Variants in TMEM127 observed in about 807,000 individuals in gnomAD.
TMEM127 encodes transmembrane protein 127.
A neutral mutation model predicts 20.1 loss-of-function variants in TMEM127; 21 were observed. That is an observed-to-expected ratio of 1.04 (90% CI 0.74 to 1.50). The LOEUF is 1.50. TMEM127 is among the 40% of genes most tolerant of loss of function. TMEM127 has a pLI of 0.00. For missense variants in TMEM127, 303 were observed against 317.4 expected (o/e 0.95, Z 0.34); for synonymous variants, 150 against 144.7 (o/e 1.04, Z -0.26).
At position 96,253,783 on chromosome 2, in the gene TMEM127, C is replaced by T. The variant is rs538207522; in HGVS notation, c.*25G>A. 1.0e-5 allele frequency: 16 copies of T among 1,592,712 alleles called. No homozygotes were observed. The African/African-American group carries it at 1.2e-4, about 12-fold the overall frequency. On this transcript the variant is annotated 3_prime_UTR_variant, in exon 4 of 4. Coordinates refer to ENST00000258439, the MANE Select transcript of TMEM127 (RefSeq NM_017849.4). This position sits in a 1 kb window ranked among gnomAD's most constrained non-coding sequence, Gnocchi z 4.3. ...GCTGCAGAGTTGAGGGAGGGGCTGCCGAGGAAGAGAGCCCAGGGCTGGCAT... is the reference window on the plus strand; with the variant it reads ...GCTGCAGAGTTGAGGGAGGGGCTGCTGAGGAAGAGAGCCCAGGGCTGGCAT...
rs1660714116 is a variant in TMEM127 at position 96,250,358 on chromosome 2, C to G, written c.*3450G>C. 4.3e-6 allele frequency: 1 copy of G among 232,878 alleles called. No individual in the cohort carries two copies. The highest frequency in any genetic ancestry group is 8.5e-6 in the Non-Finnish European group (1 of 117,846). The allele number at this position is 232,878 out of a possible 1,614,324, so 14.4% of individuals were successfully genotyped here. A position where few individuals can be genotyped will look rare whatever the true frequency, so the allele number is the denominator to read the frequency against. The stretch of plus-strand genomic sequence containing the variant: ...GGCTCAAGCTGCGTCCTCCAGGAAG[C>G]CTTTCATTATCACTCAGGTCAGAAC... On this transcript the variant is annotated 3_prime_UTR_variant, in exon 4 of 4. Coordinates refer to ENST00000258439, the MANE Select transcript of TMEM127 (RefSeq NM_017849.4).
At chr2:96,260,267 G>A (rs1573974224) in intron 2 of TMEM127, among the ~76,000 whole-genome samples, 1 of 152,322 alleles carries the variant, frequency 6.6e-6, no homozygotes, top group East Asian at 1.9e-4. Context: ...AGACTCTTCT[G>A]GAGTCAGTAT....
In TMEM127 at chr2:96,253,891, A is replaced by G. The variant is rs775177724; in HGVS notation, c.634T>C (p.Ser212Pro). 1.9e-6 allele frequency: 3 copies of G among 1,613,988 alleles called. No individual in the cohort carries two copies. The East Asian group carries it at 6.7e-5, about 36-fold the overall frequency. ...TAGGGCTCGTTCTCTTCCATCTCTGAGAGCAGCTCCAGCGCCTGCTCCTCT... is the reference window on the plus strand; with the variant it reads ...TAGGGCTCGTTCTCTTCCATCTCTGGGAGCAGCTCCAGCGCCTGCTCCTCT... Reference protein sequence around the residue: ...EEEEQALELLSEMEENEPYPA... With the variant: ...EEEEQALELLPEMEENEPYPA... Residue 212 changes from serine to proline, a missense_variant, in exon 4 of 4, where the codon TCA becomes CCA. Coordinates refer to ENST00000258439, the MANE Select transcript of TMEM127 (RefSeq NM_017849.4). The surrounding 1 kb of genome is among the most constrained non-coding windows in gnomAD (Gnocchi z 4.3).
rs1261971639 is a variant in TMEM127 at position 96,265,442 on chromosome 2, C to A, written c.-61G>T. 3.1e-6 allele frequency: 4 copies of A among 1,306,604 alleles called. No homozygotes were observed. Among genetic ancestry groups the A allele is most frequent in the Non-Finnish European group, 2.9e-6 (3 of 1,035,468 alleles). 80.9% of individuals were successfully genotyped at this position (1,306,604 alleles called of 1,614,324 possible). A position where few individuals can be genotyped will look rare whatever the true frequency, so the allele number is the denominator to read the frequency against. On this transcript the variant is annotated 5_prime_UTR_variant, in exon 2 of 4. Coordinates refer to ENST00000258439, the MANE Select transcript of TMEM127 (RefSeq NM_017849.4). ...CTGGTCGCCGCCGACCTCCGCGGGGCGCGCAGAGCCTGACAGTCCGGTGGA... is the reference window on the plus strand; with the variant it reads ...CTGGTCGCCGCCGACCTCCGCGGGGAGCGCAGAGCCTGACAGTCCGGTGGA...
chr2:96,250,687 G>A lies in TMEM127; in HGVS notation c.*3121C>T, dbSNP rs915338061. 5.1e-5 allele frequency: 12 copies of A among 233,024 alleles called. No homozygotes were observed. The highest frequency in any genetic ancestry group is 8.5e-5 in the Non-Finnish European group (10 of 117,960). 14.4% of individuals were successfully genotyped at this position (233,024 alleles called of 1,614,324 possible). Reference sequence around the variant, plus strand: ...TGATGCACACTCGGGGCTGGGTGTAGGCTGTGTGATCAAATGTATGAAGGA... The same window carrying A: ...TGATGCACACTCGGGGCTGGGTGTAAGCTGTGTGATCAAATGTATGAAGGA... On this transcript the variant is annotated 3_prime_UTR_variant, in exon 4 of 4. Coordinates refer to ENST00000258439, the MANE Select transcript of TMEM127 (RefSeq NM_017849.4).
At chr2:96,260,745 C>G (rs1002272966) in intron 2 of TMEM127, 4 of 152,454 alleles carry the variant, frequency 2.6e-5, no homozygotes, top group African/African-American at 9.6e-5. Flanking sequence ...CCCACCCCGC[C>G]TCCCTTCTTG....
In TMEM127 at chr2:96,253,969, C is replaced by A. The variant is rs764012422; in HGVS notation, c.556G>T (p.Ala186Ser). The change falls in exon 4 of 4, where the codon GCC becomes TCC. Residue 186 changes from alanine (A) to serine (S), a missense_variant. Physicochemically the swap from Ala to Ser is moderately conservative, Grantham distance 99. Transcript: ENST00000258439. This position sits in a 1 kb window ranked among gnomAD's most constrained non-coding sequence, Gnocchi z 4.3. The part of the protein sequence containing the change: ...SFYLVAGAGG[A>S]SILATAANLL... ...TTGGCTGCCGTGGCCAGGATTGAGG[C>A]TCCACCAGCTCCTGCCACCAGGTAG... The A allele has an allele frequency of 6.2e-7, 1 of 1,614,162 alleles. No homozygotes were observed. Among genetic ancestry groups the A allele is most frequent in the Non-Finnish European group, 8.5e-7 (1 of 1,180,020 alleles).
chr2:96,259,260 G>A (rs1003280533), intron 2 of TMEM127, among the ~76,000 whole-genome samples: 5 of 152,234 alleles, frequency 3.3e-5, no homozygotes, highest in African/African-American at 9.6e-5. Flanking sequence ...CAGATGAGGA[G>A]TCGGGGGCTC....
chr2:96,264,272 T>C (rs141638807), intron 2 of TMEM127, among the ~76,000 whole-genome samples: 1 of 152,208 alleles, frequency 6.6e-6, no homozygotes, highest in Admixed American at 6.5e-5. Context: ...GTGCTTCTGA[T>C]AGGCGGTGCA....
rs887204693 is a variant in TMEM127 at position 96,251,766 on chromosome 2, A to G, written c.*2042T>C. 4.3e-6 allele frequency: 1 copy of G among 232,724 alleles called. No individual in the cohort carries two copies. Among genetic ancestry groups the G allele is most frequent in the Non-Finnish European group, 8.5e-6 (1 of 117,696 alleles). 14.4% of individuals were successfully genotyped at this position (232,724 alleles called of 1,614,324 possible). A position where few individuals can be genotyped will look rare whatever the true frequency, so the allele number is the denominator to read the frequency against. On this transcript the variant is annotated 3_prime_UTR_variant, in exon 4 of 4. Transcript: ENST00000258439. The stretch of plus-strand genomic sequence containing the variant: ...CTATCAGTGTCAGGATGGCAGAGGG[A>G]AAGAGAAAGAAGAGGAAGGCCAAAG...
Position 96,253,927 on chromosome 2 carries a change from G to T in TMEM127, c.598C>A (p.Pro200Thr), listed in dbSNP as rs200351681. 8.8e-5 allele frequency: 142 copies of T among 1,613,896 alleles called. No individual in the cohort carries two copies. Among genetic ancestry groups the T allele is most frequent in the Non-Finnish European group, 1.1e-4 (132 of 1,179,902 alleles). ...ATAANLLRHY[P>T]TEEEEQALEL... ...AGCGCCTGCTCCTCTTCCTCTGTGG[G>T]GTAGTGGCGCAGGAGGTTGGCTGCC... is the stretch of plus-strand genomic sequence containing the variant. The change falls in exon 4 of 4, where the codon CCC becomes ACC. Residue 200 changes from proline to threonine, a missense_variant. Physicochemically the swap from Pro to Thr is conservative, Grantham distance 38. Transcript: ENST00000258439. This position sits in a 1 kb window ranked among gnomAD's most constrained non-coding sequence, Gnocchi z 4.3.
chr2:96,254,030 A>G lies in TMEM127; in HGVS notation c.495T>C (p.His165=). The G allele has an allele frequency of 1.2e-6, 2 of 1,614,190 alleles. No individual in the cohort carries two copies. Among genetic ancestry groups the G allele is most frequent in the Non-Finnish European group, 1.7e-6 (2 of 1,180,024 alleles). The change falls in exon 4 of 4, where the codon CAT becomes CAC. Residue 165 remains histidine (H), a synonymous_variant. Transcript: ENST00000258439. Reference sequence around the variant, plus strand: ...CGAAGGTGACATAGACCTGGGATCCATGGTACTTCTTATGCTGCTGCTGCT... The same window carrying G: ...CGAAGGTGACATAGACCTGGGATCCGTGGTACTTCTTATGCTGCTGCTGCT... ...LAQQQQHKKY[H]GSQVYVTFAV...
intron 2 of TMEM127, among the ~76,000 whole-genome samples, chr2:96,257,360 G>A (rs561839271): frequency 6.6e-6 from 1 of 152,134 alleles, no homozygotes. Flanking sequence ...TACTCGGGGG[G>A]CTGAGGCAGG....
rs71301417 is a variant in TMEM127 at position 96,249,091 on chromosome 2, G to GGT, written c.*4715_*4716dup. ...GTGAGGAACCTGTGTGTGTGTGTGT[G>GGT]GTGTGTGTGTGTGTGTGTGTGTGTG... On this transcript the variant is annotated 3_prime_UTR_variant, in exon 4 of 4. Coordinates refer to ENST00000258439, the MANE Select transcript of TMEM127 (RefSeq NM_017849.4). The GGT allele has an allele frequency of 0.14, 31,175 of 218,842 alleles. 1,470 individuals carry two copies. Among genetic ancestry groups the GGT allele is most frequent in the South Asian group, 0.26 (1,350 of 5,242 alleles). 13.6% of individuals were successfully genotyped at this position (218,842 alleles called of 1,614,324 possible).
rs1399854483 is a variant in TMEM127, at chr2:96,262,332, T to G, written c.244+2806A>C. On this transcript the variant is annotated intron_variant, in intron 2 of 3. Coordinates refer to ENST00000258439, the MANE Select transcript of TMEM127 (RefSeq NM_017849.4). ...GACAGCTCTGCTCCCTCTTGAGATG[T>G]GGAATACTCCAGGCTCTCAGGTCAG... Among the ~76,000 whole-genome samples the G allele has an allele frequency of 4.0e-5, 6 of 151,762 alleles. No homozygotes were observed. In the East Asian group the frequency reaches 9.7e-4, roughly 24 times the overall value.
intron 2 of TMEM127, among the ~76,000 whole-genome samples, chr2:96,260,137 G>A (rs1192489039): frequency 6.6e-6 from 1 of 152,202 alleles, no homozygotes; most frequent in Non-Finnish European, 1.5e-5. Flanking sequence ...TTCCCTTTGG[G>A]TAACGTTAAC....
chr2:96,255,539 T>C (rs1355092182), intron 2 of TMEM127, among the ~76,000 whole-genome samples: 1 of 152,224 alleles, frequency 6.6e-6, no homozygotes, highest in African/African-American at 2.4e-5. Flanking sequence ...TCATATGAGA[T>C]ACCTAGAATA....
At position 96,253,925 on chromosome 2, in the gene TMEM127, G is replaced by C. The variant is rs1060503974; in HGVS notation, c.600C>G (p.Pro200=). Residue 200 remains proline, a synonymous_variant, in exon 4 of 4, where the codon CCC becomes CCG. Transcript: ENST00000258439. This position sits in a 1 kb window ranked among gnomAD's most constrained non-coding sequence, Gnocchi z 4.3. ...ATAANLLRHY[P]TEEEEQALEL... is the part of the protein sequence containing the mutation. The stretch of plus-strand genomic sequence containing the variant: ...CCAGCGCCTGCTCCTCTTCCTCTGT[G>C]GGGTAGTGGCGCAGGAGGTTGGCTG... The C allele has an allele frequency of 2.5e-6, 4 of 1,614,016 alleles. No homozygotes were observed. The highest frequency in any genetic ancestry group is 3.4e-6 in the Non-Finnish European group (4 of 1,179,884).
rs984746356 is a variant in TMEM127 at position 96,251,678 on chromosome 2, T to C, written c.*2130A>G. 4.3e-6 allele frequency: 1 copy of C among 233,036 alleles called. No homozygotes were observed. Among genetic ancestry groups the C allele is most frequent in the Admixed American group, 5.6e-5 (1 of 17,760 alleles). The allele number at this position is 233,036 out of a possible 1,614,324, so 14.4% of individuals were successfully genotyped here. A position where few individuals can be genotyped will look rare whatever the true frequency, so the allele number is the denominator to read the frequency against. ...TTCGTGGTTTCTGGTTTTTTTGGTT[T>C]TGTTTTCCCTTTTAATTTTTTTCTA... On this transcript the variant is annotated 3_prime_UTR_variant, in exon 4 of 4. Coordinates refer to ENST00000258439, the MANE Select transcript of TMEM127 (RefSeq NM_017849.4).
Sources: allele counts gnomAD v4.1 joint callset (sites outside exome capture counted in the v4.1 genomes callset), GRCh38; gene constraint gnomAD v4.1.1; non-coding constraint Gnocchi (gnomAD v3.1); transcripts MANE v1.5; gene names NCBI Gene and HGNC (gene_info 2026-07-23, HGNC 2026-07-21).